IFNAR1: variants seen among roughly 807,000 people sequenced by gnomAD.
IFNAR1 encodes interferon alpha and beta receptor subunit 1, also known as interferon alpha/beta receptor 1.
In IFNAR1, 47 loss-of-function variants were observed where a neutral mutation model predicts 62.1. The ratio of observed to expected loss-of-function variants is 0.76; its 90% CI spans 0.60 to 0.97. The LOEUF (loss-of-function observed/expected upper bound fraction) is 0.97. Ranked by LOEUF, IFNAR1 falls within the 50% of genes least tolerant of loss-of-function variation. The pLI is 0.00. For synonymous variants in IFNAR1, 219 were observed against 226.9 expected (o/e 0.97, Z 0.31); for missense variants, 638 against 654.5 (o/e 0.97, Z 0.27).
intron 1 of IFNAR1, among the ~76,000 whole-genome samples, chr21:33,330,933 G>A (rs765270682): frequency 1.3e-5 from 2 of 152,214 alleles, no homozygotes; most frequent in Admixed American, 6.5e-5. Flanking sequence ...CTGCACAGCT[G>A]TGTTCCCTCC....
chr21:33,325,559 C>T (rs970969473), intron 1 of IFNAR1, among the ~76,000 whole-genome samples: 33 of 152,162 alleles, frequency 2.2e-4, no homozygotes, highest in Admixed American at 2.2e-3. Flanking sequence ...TTTCTCTGCC[C>T]TCAGGATTCA....
Position 33,355,566 on chromosome 21 carries a change from T to A in IFNAR1, c.*17T>A. On this transcript the variant is annotated 3_prime_UTR_variant, in exon 11 of 11. Transcript: ENST00000270139. ...TTTGTATGACCAGAAATGAACTGTGTCAAGTATAAGGTTTTTCAGCAGGAG... is the reference window on the plus strand; with the variant it reads ...TTTGTATGACCAGAAATGAACTGTGACAAGTATAAGGTTTTTCAGCAGGAG... The A allele has an allele frequency of 7.0e-7, 1 of 1,426,590 alleles. No individual in the cohort carries two copies. Among genetic ancestry groups the A allele is most frequent in the African/African-American group, 1.4e-5 (1 of 70,016 alleles). 88.4% of individuals were successfully genotyped at this position (1,426,590 alleles called of 1,614,324 possible). A position where few individuals can be genotyped will look rare whatever the true frequency, so the allele number is the denominator to read the frequency against.
chr21:33,354,755 G>A (rs1257601174), intron 10 of IFNAR1, among the ~76,000 whole-genome samples: 1 of 152,102 alleles, frequency 6.6e-6, no homozygotes, highest in Non-Finnish European at 1.5e-5. Context: ...CCACCCCATA[G>A]AGGTGTTAGG....
intron 1 of IFNAR1, among the ~76,000 whole-genome samples, chr21:33,334,303 C>T (rs1490266995): frequency 6.6e-6 from 1 of 152,068 alleles, no homozygotes. Context: ...CTCAAAGAGA[C>T]CACACCAAGA....
chr21:33,343,446 T>C, intron 4 of IFNAR1, 24 bp downstream of exon 4: 4 of 1,598,984 alleles, frequency 2.5e-6, no homozygotes, highest in Non-Finnish European at 2.6e-6. Flanking sequence ...TTACCTCTGT[T>C]TAATCGATGT....
At chr21:33,339,320 A>T (rs563697644) in intron 2 of IFNAR1, among the ~76,000 whole-genome samples, 5 of 152,270 alleles carry the variant, frequency 3.3e-5, no homozygotes, top group African/African-American at 1.2e-4. Flanking sequence ...CAGGCCTCAG[A>T]TATGTAAAAG....
In IFNAR1 at chr21:33,333,614, A is replaced by ATTTTTTTTTTTTTTT. The variant is rs59240203; in HGVS notation, c.77-1899_77-1898insTTTTTTTTTTTTTTT. On this transcript the variant is annotated intron_variant, in intron 1 of 10. Transcript: ENST00000270139. ...CCATACTTAAAGAGACTGGCGGAAT[A>ATTTTTTTTTTTTTTT]TTTTTTTTTTTCTTTTTTTTTTTTT... Among the ~76,000 whole-genome samples, 92 of 106,978 alleles carry ATTTTTTTTTTTTTTT rather than the reference A, an allele frequency of 8.6e-4. 4 individuals carry two copies. Among genetic ancestry groups the ATTTTTTTTTTTTTTT allele is most frequent in the African/African-American group, 2.5e-3 (60 of 24,428 alleles). 70.2% of individuals were successfully genotyped at this position (106,978 alleles called of 152,430 possible).
chr21:33,332,441 C>G (rs192750834), intron 1 of IFNAR1, among the ~76,000 whole-genome samples: 171 of 152,224 alleles, frequency 1.1e-3, no homozygotes, highest in Admixed American at 9.6e-3. Flanking sequence ...GGTAATTATC[C>G]TATCAACACA....
intron 2 of IFNAR1, among the ~76,000 whole-genome samples, chr21:33,338,546 A>AAAAC (rs1167326352): frequency 2.0e-5 from 3 of 148,028 alleles, no homozygotes; most frequent in African/African-American, 7.7e-5. Context: ...AAAAAAAAAA[A>AAAAC]CCCAACAAAT....
intron 8 of IFNAR1, among the ~76,000 whole-genome samples, chr21:33,351,529 A>T (rs1185671330): frequency 6.7e-6 from 1 of 150,104 alleles, no homozygotes; most frequent in African/African-American, 2.5e-5. Context: ...TGTTATCTAT[A>T]TTTTTTTATT....
chr21:33,348,271 A>C (rs1390235169), intron 6 of IFNAR1, among the ~76,000 whole-genome samples: 1 of 152,138 alleles, frequency 6.6e-6, no homozygotes, highest in African/African-American at 2.4e-5. Flanking sequence ...CCTATTTTGT[A>C]GTGTTTGCTG....
rs2083452624 is a variant in IFNAR1, at chr21:33,356,740, CA to C, written c.*1192del. On this transcript the variant is annotated 3_prime_UTR_variant, in exon 11 of 11. Coordinates refer to ENST00000270139, the MANE Select transcript of IFNAR1 (RefSeq NM_000629.3). ...TAGTGTATGCAAGAAGTCTTGGGACCAGAAAATGGCAATGATAGGAGACTGA... is the reference window on the plus strand; with the variant it reads ...TAGTGTATGCAAGAAGTCTTGGGACCGAAAATGGCAATGATAGGAGACTGA... The C allele has an allele frequency of 1.3e-5, 2 of 152,132 alleles. No homozygotes were observed. The highest frequency in any genetic ancestry group is 4.8e-5 in the African/African-American group (2 of 41,430). The allele number at this position is 152,132 out of a possible 1,614,324, so 9.4% of individuals were successfully genotyped here.
intron 3 of IFNAR1, 142 bp from the exon 4 acceptor site, chr21:33,343,126 C>G: frequency 1.5e-6 from 1 of 656,336 alleles, no homozygotes. Context: ...CACTGGTGAT[C>G]TTACAGCTTT....
Position 33,355,693 on chromosome 21 carries a change from A to C in IFNAR1, c.*144A>C. 1 of 501,668 alleles carries C rather than the reference A, an allele frequency of 2.0e-6. No individual in the cohort carries two copies. The highest frequency in any genetic ancestry group is 3.5e-6 in the Non-Finnish European group (1 of 282,958). 31.1% of individuals were successfully genotyped at this position (501,668 alleles called of 1,614,324 possible). On this transcript the variant is annotated 3_prime_UTR_variant, in exon 11 of 11. Transcript: ENST00000270139. Reference sequence around the variant, plus strand: ...AAACATCTTCAGATCATAGGTCCTAAAAATACGGGCAAGCTCTTAACTATT... The same window carrying C: ...AAACATCTTCAGATCATAGGTCCTACAAATACGGGCAAGCTCTTAACTATT...
chr21:33,352,825 T>C lies in IFNAR1; in HGVS notation c.1211T>C (p.Val404Ala). 1 of 1,603,150 alleles carries C rather than the reference T, an allele frequency of 6.2e-7. No individual in the cohort carries two copies. The highest frequency in any genetic ancestry group is 8.5e-7 in the Non-Finnish European group (1 of 1,171,886). Residue 404 changes from valine to alanine, a missense_variant, in exon 9 of 11, where the codon GTG becomes GCG. Coordinates refer to ENST00000270139, the MANE Select transcript of IFNAR1 (RefSeq NM_000629.3). ...PNLKPLTVYC[V>A]KARAHTMDEK... ...TTGAAACCACTGACTGTATATTGTG[T>C]GAAAGCCAGAGCACACACCATGGAT...
intron 10 of IFNAR1, among the ~76,000 whole-genome samples, chr21:33,355,026 TC>T (rs2083434136): frequency 6.6e-6 from 1 of 151,558 alleles, no homozygotes; most frequent in Admixed American, 6.6e-5. Flanking sequence ...GTCCGCCCGC[TC>T]CTGTCCTTTC....
intron 1 of IFNAR1, among the ~76,000 whole-genome samples, chr21:33,330,919 G>C (rs2083172325): frequency 6.6e-6 from 1 of 152,210 alleles, no homozygotes; most frequent in Admixed American, 6.5e-5. Flanking sequence ...AAGCTGCCTA[G>C]AGTCTGCACA....
intron 5 of IFNAR1, 107 bp from the exon 6 acceptor site, chr21:33,345,139 A>G: frequency 1.5e-6 from 1 of 648,864 alleles, no homozygotes; most frequent in Non-Finnish European, 2.8e-6. Context: ...TACAAACCAT[A>G]TTTAACTATT....
At chr21:33,330,281 A>G (rs896006580) in intron 1 of IFNAR1, among the ~76,000 whole-genome samples, 1 of 152,034 alleles carries the variant, frequency 6.6e-6, no homozygotes, top group African/African-American at 2.4e-5. Flanking sequence ...CACCTTACTC[A>G]TTGTTACAAC....
Sources: allele counts gnomAD v4.1 joint callset (sites outside exome capture counted in the v4.1 genomes callset), GRCh38; gene constraint gnomAD v4.1.1; transcripts MANE v1.5; gene names NCBI Gene and HGNC (gene_info 2026-07-23, HGNC 2026-07-21).